The following ATP8B4 variants were observed in gnomAD, a reference collection of about 807,000 sequenced individuals.
ATP8B4 encodes the protein probable phospholipid-transporting ATPase IM.
Under a neutral mutation model 145.6 loss-of-function variants are expected in ATP8B4, and 133 were observed. That is an observed-to-expected ratio of 0.91 (90% CI 0.79 to 1.05). The LOEUF (loss-of-function observed/expected upper bound fraction) is 1.05. ATP8B4 is among the 50% of genes least tolerant of loss of function. The pLI is 0.00. For synonymous variants in ATP8B4, 507 were observed against 492.9 expected (o/e 1.03, Z -0.38); for missense variants, 1,458 against 1,425.2 (o/e 1.02, Z -0.37).
chr15:50,084,845 TC>T (rs551328417), intron 2 of ATP8B4, among the ~76,000 whole-genome samples: 19 of 152,198 alleles, frequency 1.2e-4, no homozygotes, highest in African/African-American at 4.6e-4. Context: ...CCCTCCTGCC[TC>T]CCTCTGATAA....
rs921569863 is a variant in ATP8B4 at position 50,039,603 on chromosome 15, G to C, written c.301-774C>G. ...TATAGAGAAAATGGTAATACCATTAGTAATAGGCTATAATATAGTTATTTC... is the reference window on the plus strand; with the variant it reads ...TATAGAGAAAATGGTAATACCATTACTAATAGGCTATAATATAGTTATTTC... On this transcript the variant is annotated intron_variant, in intron 5 of 27. Coordinates refer to ENST00000284509, the MANE Select transcript of ATP8B4 (RefSeq NM_024837.4). 3.3e-5 allele frequency among the ~76,000 whole-genome samples: 5 copies of C among 152,180 alleles called. No individual in the cohort carries two copies. The South Asian group carries it at 1.0e-3, about 31-fold the overall frequency.
intron 1 of ATP8B4, among the ~76,000 whole-genome samples, chr15:50,146,551 T>C (rs1315228598): frequency 6.6e-6 from 1 of 152,210 alleles, no homozygotes; most frequent in Non-Finnish European, 1.5e-5. Context: ...TTGTCTTTGG[T>C]AGTGGTATTG....
rs118036826 is a variant in ATP8B4 at position 50,090,810 on chromosome 15, A to T, written c.28+16129T>A. Among the ~76,000 whole-genome samples the T allele has an allele frequency of 4.2e-3, 643 of 152,162 alleles. 5 individuals carry two copies. Among genetic ancestry groups the T allele is most frequent in the South Asian group, 0.014 (66 of 4,818 alleles). On this transcript the variant is annotated intron_variant, in intron 2 of 27. Transcript: ENST00000284509. ...CCTGTGTTACCAGGGCTGGTCTCAA[A>T]CTCTTGGGCTCAAAAGATTCTCTAG... is the stretch of plus-strand genomic sequence containing the variant.
chr15:50,152,072 A>C (rs2044355208), intron 1 of ATP8B4, among the ~76,000 whole-genome samples: 1 of 152,164 alleles, frequency 6.6e-6, no homozygotes, highest in African/African-American at 2.4e-5. Flanking sequence ...ATTGATTAGC[A>C]GTTTCATAAA....
In ATP8B4 at chr15:50,002,191, TG is replaced by T; in HGVS notation, c.467del (p.Pro156HisfsTer18). On this transcript the variant is annotated frameshift_variant, in exon 8 of 28. Coordinates refer to ENST00000284509, the MANE Select transcript of ATP8B4 (RefSeq NM_024837.4). LOFTEE classifies it high-confidence loss of function. Reference sequence around the variant, plus strand: ...CAGTTTCAACATAACAGAGACCATGTGGCTCACTACTTGATAGGAGAAGTAA... The same window carrying T: ...CAGTTTCAACATAACAGAGACCATGTGCTCACTACTTGATAGGAGAAGTAA... The part of the protein sequence containing the change: ...ADLLLLSSSE[P>X]HGLCYVETAE... 6.2e-7 allele frequency: 1 copy of T among 1,611,248 alleles called. No homozygotes were observed. Among genetic ancestry groups the T allele is most frequent in the Non-Finnish European group, 8.5e-7 (1 of 1,178,096 alleles).
intron 2 of ATP8B4, among the ~76,000 whole-genome samples, chr15:50,090,147 G>C (rs1332860286): frequency 1.3e-5 from 2 of 152,108 alleles, no homozygotes; most frequent in Non-Finnish European, 2.9e-5. Context: ...TCACTTACAA[G>C]TGGGAGCTGA....
chr15:49,889,175 C>T (rs907307794), intron 23 of ATP8B4, among the ~76,000 whole-genome samples: 2 of 152,018 alleles, frequency 1.3e-5, no homozygotes, highest in African/African-American at 4.8e-5. Context: ...GGTCACTTAT[C>T]ATCAGGTAGA....
chr15:50,158,792 T>C (rs2044470806), intron 1 of ATP8B4, among the ~76,000 whole-genome samples: 1 of 152,222 alleles, frequency 6.6e-6, no homozygotes, highest in Non-Finnish European at 1.5e-5. Flanking sequence ...ACCCTGTTGA[T>C]CTATGACCTT....
intron 20 of ATP8B4, among the ~76,000 whole-genome samples, chr15:49,915,989 C>G (rs1361940182): frequency 6.6e-6 from 1 of 151,552 alleles, no homozygotes; most frequent in Non-Finnish European, 1.5e-5. Context: ...AGCCACAGAG[C>G]TCTACTATTA....
At chr15:50,085,975 TATCAA>T (rs2054973411) in intron 2 of ATP8B4, among the ~76,000 whole-genome samples, 8 of 27,304 alleles carry the variant, frequency 2.9e-4, no homozygotes, top group African/African-American at 1.4e-3. Context: ...ATATATGATA[TATCAA>T]ATATATCATA....
At chr15:49,913,883 C>T (rs1375765329) in intron 20 of ATP8B4, among the ~76,000 whole-genome samples, 4 of 152,012 alleles carry the variant, frequency 2.6e-5, no homozygotes, top group African/African-American at 7.2e-5. Context: ...AGGGCACAAA[C>T]AAATGAAAAG....
In ATP8B4 at chr15:50,092,116, G is replaced by T. The variant is rs113858547; in HGVS notation, c.28+14823C>A. Reference sequence around the variant, plus strand: ...GAGCCTAGCAGGGAAGAGAGGTCTTGGTACACACTAAGTTTTCATTTGACT... The same window carrying T: ...GAGCCTAGCAGGGAAGAGAGGTCTTTGTACACACTAAGTTTTCATTTGACT... On this transcript the variant is annotated intron_variant, in intron 2 of 27. Transcript: ENST00000284509. Among the ~76,000 whole-genome samples the T allele has an allele frequency of 4.7e-3, 709 of 152,134 alleles. 6 individuals are homozygous for T. The highest frequency in any genetic ancestry group is 0.016 in the African/African-American group (682 of 41,516).
chr15:50,087,509 T>C lies in ATP8B4; in HGVS notation c.29-13324A>G, dbSNP rs969456845. 2.7e-5 allele frequency among the ~76,000 whole-genome samples: 4 copies of C among 150,488 alleles called. No individual in the cohort carries two copies. In the East Asian group the frequency reaches 7.8e-4, roughly 29 times the overall value. ...TTTTGACTAGGAGTTGATGAATACA[T>C]GTATGACATGATATGCTTATTATAC... On this transcript the variant is annotated intron_variant, in intron 2 of 27. Transcript: ENST00000284509.
chr15:50,000,492 C>A (rs1384417856), intron 8 of ATP8B4, among the ~76,000 whole-genome samples: 1 of 152,138 alleles, frequency 6.6e-6, no homozygotes, highest in Non-Finnish European at 1.5e-5. Context: ...ATTTGTACGT[C>A]CTCTTTGGTG....
At position 49,897,414 on chromosome 15, in the gene ATP8B4, G is replaced by A. The variant is rs1031534005; in HGVS notation, c.2575C>T (p.Leu859Phe). ...AQFRYLQRLLLVHGRWSYFRM... is the reference protein window; with the variant it reads ...AQFRYLQRLLFVHGRWSYFRM... Reference sequence around the variant, plus strand: ...AAATAAGACCACCTTCCATGAACAAGGAGAAGCCTTTGGAGATATCTAAAC... The same window carrying A: ...AAATAAGACCACCTTCCATGAACAAAGAGAAGCCTTTGGAGATATCTAAAC... The change falls in exon 23 of 28, where the codon CTT (leucine) becomes TTT (phenylalanine). Residue 859 changes from leucine to phenylalanine, a missense_variant. Leu to Phe is a conservative substitution (Grantham distance 22, BLOSUM62 0). Transcript: ENST00000284509. 1.9e-6 allele frequency: 3 copies of A among 1,613,926 alleles called. No homozygotes were observed. The highest frequency in any genetic ancestry group is 2.7e-5 in the African/African-American group (2 of 75,038).
intron 2 of ATP8B4, among the ~76,000 whole-genome samples, chr15:50,100,664 A>G (rs8031037): frequency 1.2e-3 from 179 of 152,342 alleles, no homozygotes; most frequent in African/African-American, 4.2e-3. Context: ...GATACAAATG[A>G]TGGTGATCAT....
At chr15:49,916,634 A>G (rs1231849929) in intron 20 of ATP8B4, among the ~76,000 whole-genome samples, 1 of 152,198 alleles carries the variant, frequency 6.6e-6, no homozygotes, top group African/African-American at 2.4e-5. Context: ...CGCAAGAGTG[A>G]GCAGGTACTA....
intron 20 of ATP8B4, among the ~76,000 whole-genome samples, chr15:49,903,695 A>T (rs28698041): frequency 0.082 from 12,524 of 152,228 alleles, 554 homozygotes; most frequent in African/African-American, 0.099. Flanking sequence ...GGAGTTCAAG[A>T]CCAGCCTGAA....
At chr15:49,889,186 G>A (rs2036530742) in intron 23 of ATP8B4, among the ~76,000 whole-genome samples, 1 of 152,058 alleles carries the variant, frequency 6.6e-6, no homozygotes, top group Non-Finnish European at 1.5e-5. Flanking sequence ...ATCAGGTAGA[G>A]TAGGCAGAGC....
Sources: allele counts gnomAD v4.1 joint callset (sites outside exome capture counted in the v4.1 genomes callset), GRCh38; gene constraint gnomAD v4.1.1; transcripts MANE v1.5; gene names NCBI Gene and HGNC (gene_info 2026-07-23, HGNC 2026-07-21).